The following FGFR2 variants were observed in gnomAD, a reference collection of about 807,000 sequenced individuals.
FGFR2 encodes fibroblast growth factor receptor 2, also known as BEK fibroblast growth factor receptor.
Under a neutral mutation model 95.9 loss-of-function variants are expected in FGFR2, and 19 were observed. The ratio of observed to expected loss-of-function variants is 0.20; its 90% CI spans 0.14 to 0.29. The LOEUF (loss-of-function observed/expected upper bound fraction) is 0.29, where lower values mean the gene tolerates loss of function less well. Ranked by LOEUF, FGFR2 falls within the 10% of genes least tolerant of loss-of-function variation. The probability of loss-of-function intolerance (pLI) is 1.00; values close to 1 mark genes in which losing one functional copy is unlikely to be tolerated. For synonymous variants in FGFR2, 392 were observed against 393.3 expected (o/e 1.00, Z 0.04); for missense variants, 707 against 1,056.9 (o/e 0.67, Z 4.59).
intron 2 of FGFR2, among the ~76,000 whole-genome samples, chr10:121,576,747 AC>A (rs1314640993): frequency 6.6e-6 from 1 of 151,902 alleles, no homozygotes; most frequent in Non-Finnish European, 1.5e-5. Flanking sequence ...AGACAGCTAT[AC>A]CCCAAGCCTC....
intron 2 of FGFR2, among the ~76,000 whole-genome samples, chr10:121,591,558 T>C (rs1301270505): frequency 2.0e-5 from 3 of 152,152 alleles, no homozygotes; most frequent in Non-Finnish European, 4.4e-5. Flanking sequence ...ACCCTAAAGA[T>C]CATCTTCTTA....
At chr10:121,481,122 T>C (rs923671406) in intron 17 of FGFR2, among the ~76,000 whole-genome samples, 1 of 151,842 alleles carries the variant, frequency 6.6e-6, no homozygotes, top group Non-Finnish European at 1.5e-5. Flanking sequence ...AAGCTGAAAA[T>C]ATTTACTCCC....
intron 13 of FGFR2, among the ~76,000 whole-genome samples, chr10:121,489,841 C>G (rs1845898431): frequency 6.6e-6 from 1 of 152,230 alleles, no homozygotes; most frequent in Admixed American, 6.5e-5. Context: ...TGCCCCTCCC[C>G]CTGAGACTTC....
intron 9 of FGFR2, among the ~76,000 whole-genome samples, chr10:121,512,427 T>A (rs1464977015): frequency 6.6e-6 from 1 of 152,216 alleles, no homozygotes; most frequent in Non-Finnish European, 1.5e-5. Context: ...AATAAATTAA[T>A]CTCGCAGAGA....
chr10:121,597,599 T>C (rs1158754124), intron 1 of FGFR2, among the ~76,000 whole-genome samples: 1 of 152,188 alleles, frequency 6.6e-6, no homozygotes, highest in African/African-American at 2.4e-5. Context: ...GGAACCGGCC[T>C]GCGGGGCTGT....
intron 10 of FGFR2, among the ~76,000 whole-genome samples, chr10:121,503,104 G>A (rs1397017296): frequency 1.3e-5 from 2 of 152,230 alleles, no homozygotes; most frequent in Non-Finnish European, 2.9e-5. Flanking sequence ...CCTCACCCGA[G>A]GTTGCCCAGC....
intron 6 of FGFR2, among the ~76,000 whole-genome samples, chr10:121,532,285 A>T (rs573209584): frequency 2.0e-5 from 3 of 152,266 alleles, no homozygotes; most frequent in Admixed American, 1.3e-4. Flanking sequence ...GGTAATGGTC[A>T]GGCTTTCAAT....
chr10:121,491,886 A>C (rs1846185601), intron 13 of FGFR2, among the ~76,000 whole-genome samples: 1 of 150,850 alleles, frequency 6.6e-6, no homozygotes, highest in East Asian at 1.9e-4. Context: ...AAAAAAAAAA[A>C]AACTGCTCAG....
intron 8 of FGFR2, among the ~76,000 whole-genome samples, chr10:121,516,250 C>T (rs1260210667): frequency 2.0e-5 from 3 of 152,132 alleles, no homozygotes. Flanking sequence ...AGTTAGGCAC[C>T]ACAGAATGCA....
Position 121,552,028 on chromosome 10 carries a change from A to C in FGFR2, c.455-569T>G, listed in dbSNP as rs41302325. On this transcript the variant is annotated intron_variant, in intron 4 of 17. Coordinates refer to ENST00000358487, the MANE Select transcript of FGFR2 (RefSeq NM_000141.5). ...CTTATATACAAACAAACAAACAAAA[A>C]AAAAAACTGTATCACTAAATACATA... 8.1e-3 allele frequency among the ~76,000 whole-genome samples: 1,227 copies of C among 152,200 alleles called. 10 individuals are homozygous for C. Among genetic ancestry groups the C allele is most frequent in the Middle Eastern group, 0.014 (4 of 294 alleles).
intron 1 of FGFR2, among the ~76,000 whole-genome samples, chr10:121,594,537 G>T (rs994482909): frequency 2.0e-4 from 31 of 152,188 alleles, no homozygotes; most frequent in African/African-American, 7.0e-4. Flanking sequence ...TCCCAGGAAG[G>T]CTACAGAAAA....
intron 9 of FGFR2, among the ~76,000 whole-genome samples, chr10:121,512,804 A>G (rs1271956394): frequency 6.6e-6 from 1 of 152,218 alleles, no homozygotes; most frequent in Non-Finnish European, 1.5e-5. Flanking sequence ...AAAAAGAGGA[A>G]GGAACTCTGA....
chr10:121,479,668 CT>C lies in FGFR2; in HGVS notation c.*188del. 1 of 1,553,670 alleles carries C rather than the reference CT, an allele frequency of 6.4e-7. No homozygotes were observed. Among genetic ancestry groups the C allele is most frequent in the South Asian group, 1.2e-5 (1 of 84,410 alleles). Reference sequence around the variant, plus strand: ...CCACTGCTCCAGAAACCTTCTTCTCCTCCTGGGGAAGATTACAAGTTTTCAA... The same window carrying C: ...CCACTGCTCCAGAAACCTTCTTCTCCCCTGGGGAAGATTACAAGTTTTCAA... On this transcript the variant is annotated 3_prime_UTR_variant, in exon 18 of 18. Coordinates refer to ENST00000358487, the MANE Select transcript of FGFR2 (RefSeq NM_000141.5).
chr10:121,483,721 T>C lies in FGFR2; in HGVS notation c.2278A>G (p.Ile760Val). ...FKQLVEDLDR[I>V]LTLTTNEEYL... Reference sequence around the variant, plus strand: ...ACCTCATTGGTTGTGAGAGTGAGAATTCGATCCAAGTCTTCTACCAACTGC... The same window carrying C: ...ACCTCATTGGTTGTGAGAGTGAGAACTCGATCCAAGTCTTCTACCAACTGC... The change falls in exon 17 of 18, where the codon ATT becomes GTT. Residue 760 changes from isoleucine to valine, a missense_variant. Coordinates refer to ENST00000358487, the MANE Select transcript of FGFR2 (RefSeq NM_000141.5). The C allele has an allele frequency of 6.2e-7, 1 of 1,613,946 alleles. No individual in the cohort carries two copies. Among genetic ancestry groups the C allele is most frequent in the Non-Finnish European group, 8.5e-7 (1 of 1,179,954 alleles).
At chr10:121,586,119 T>C (rs1427470099) in intron 2 of FGFR2, among the ~76,000 whole-genome samples, 2 of 152,236 alleles carry the variant, frequency 1.3e-5, no homozygotes, top group East Asian at 1.9e-4. Context: ...CTGGTCACTA[T>C]GGAAAATTTA....
At chr10:121,584,994 T>C (rs989472082) in intron 2 of FGFR2, among the ~76,000 whole-genome samples, 17 of 142,594 alleles carry the variant, frequency 1.2e-4, no homozygotes, top group Admixed American at 1.4e-4. Context: ...ACCGATTCCA[T>C]AACCCCTCTC....
intron 3 of FGFR2, among the ~76,000 whole-genome samples, chr10:121,565,165 T>A (rs557612660): frequency 7.8e-6 from 1 of 128,574 alleles, no homozygotes; most frequent in African/African-American, 3.3e-5. Context: ...ATGCCAGAGA[T>A]GTCAGTGGTA....
At chr10:121,554,425 G>A (rs1401311756) in intron 4 of FGFR2, among the ~76,000 whole-genome samples, 1 of 150,036 alleles carries the variant, frequency 6.7e-6, no homozygotes, top group East Asian at 2.0e-4. Flanking sequence ...TGCAAGCTCT[G>A]CCTCCCGGGT....
chr10:121,493,231 G>A (rs1846363597), intron 13 of FGFR2, among the ~76,000 whole-genome samples: 1 of 152,172 alleles, frequency 6.6e-6, no homozygotes, highest in African/African-American at 2.4e-5. Context: ...TCCCGGAGGG[G>A]TCAGTAATTA....
Sources: gnomAD v4.1 joint callset for allele counts (sites outside exome capture counted in the v4.1 genomes callset) on GRCh38, gnomAD v4.1.1 for gene constraint, MANE v1.5 for transcripts, NCBI Gene and HGNC (gene_info 2026-07-23, HGNC 2026-07-21) for gene names.